NXPE2: variants seen among roughly 807,000 people sequenced by gnomAD.
NXPE2 encodes NXPE family member 2.
Under a neutral mutation model 34.4 loss-of-function variants are expected in NXPE2, and 34 were observed. The ratio of observed to expected loss-of-function variants is 0.99; its 90% CI spans 0.75 to 1.31. The LOEUF (loss-of-function observed/expected upper bound fraction) is 1.31. NXPE2 is among the 40% of genes most tolerant of loss of function. NXPE2 has a pLI of 0.00. For synonymous variants in NXPE2, 235 were observed against 231.3 expected, an observed-to-expected ratio of 1.02 and a Z score of -0.15; for missense variants, 649 against 672.5, an observed-to-expected ratio of 0.97 and a Z score of 0.39.
chr11:114,768,409 A>G, the NXPE2 span, among the ~76,000 whole-genome samples: 18 of 152,224 alleles, frequency 1.2e-4, no homozygotes, highest in Non-Finnish European at 2.6e-4. Flanking sequence ...GTTTGGTTCC[A>G]TATGAAATTT....
At chr11:114,638,851 G>A in the NXPE2 span, among the ~76,000 whole-genome samples, 4,519 of 151,382 alleles carry the variant, frequency 0.03, 113 homozygotes, top group Non-Finnish European at 0.04. Context: ...GTACCCAGCC[G>A]TGTGAGGTGT....
chr11:114,479,365 A>ACTTT, the NXPE2 span, among the ~76,000 whole-genome samples: 3 of 152,208 alleles, frequency 2.0e-5, no homozygotes, highest in African/African-American at 7.2e-5. Flanking sequence ...GAATAAGGGT[A>ACTTT]GCTTGGACTA....
chr11:114,488,326 T>C, the NXPE2 span, among the ~76,000 whole-genome samples: 1 of 152,190 alleles, frequency 6.6e-6, no homozygotes, highest in Non-Finnish European at 1.5e-5. Context: ...TCCTTTGCAT[T>C]TGTGTAGTTT....
chr11:114,730,239 C>G, the NXPE2 span, among the ~76,000 whole-genome samples: 1 of 151,962 alleles, frequency 6.6e-6, no homozygotes, highest in Non-Finnish European at 1.5e-5. Flanking sequence ...TCTGGGTTCT[C>G]TATTTTATTC....
At chr11:114,768,832 A>G in the NXPE2 span, among the ~76,000 whole-genome samples, 2 of 152,082 alleles carry the variant, frequency 1.3e-5, no homozygotes, top group African/African-American at 4.8e-5. Flanking sequence ...TTTTCTAAAT[A>G]TACAATCTAA....
chr11:114,685,330 G>C (rs1371275371), intron 2 of NXPE2, among the ~76,000 whole-genome samples: 1 of 152,104 alleles, frequency 6.6e-6, no homozygotes, highest in Non-Finnish European at 1.5e-5. Flanking sequence ...AACAGATTTG[G>C]TGTCTGATGA....
In NXPE2 at chr11:114,695,315, T is replaced by G. The variant is rs532255580; in HGVS notation, c.133-2730T>G. Reference sequence around the variant, plus strand: ...GTGCAGGAGGGGAAGCATTCTGTAGTACTGTGATTTAGTCCCAGTATTTTA... The same window carrying G: ...GTGCAGGAGGGGAAGCATTCTGTAGGACTGTGATTTAGTCCCAGTATTTTA... On this transcript the variant is annotated intron_variant, in intron 2 of 5. Transcript: ENST00000389586. Among the ~76,000 whole-genome samples, 7 of 152,314 alleles carry G rather than the reference T, an allele frequency of 4.6e-5. No individual in the cohort carries two copies. The South Asian group carries it at 8.3e-4, about 18-fold the overall frequency.
chr11:114,644,597 G>C, the NXPE2 span, among the ~76,000 whole-genome samples: 1 of 151,940 alleles, frequency 6.6e-6, no homozygotes, highest in African/African-American at 2.4e-5. Context: ...TATTTTTATG[G>C]ACATTACAAT....
chr11:114,524,312 T>C, the NXPE2 span, among the ~76,000 whole-genome samples: 541 of 152,318 alleles, frequency 3.6e-3, 1 homozygote, highest in Non-Finnish European at 6.1e-3. Flanking sequence ...GCAGTGAGTA[T>C]TGGGGAACCA....
the NXPE2 span, among the ~76,000 whole-genome samples, chr11:114,495,369 G>A: frequency 6.6e-6 from 1 of 151,856 alleles, no homozygotes; most frequent in African/African-American, 2.4e-5. Flanking sequence ...CTATAGTTGA[G>A]AACCTTAGTG....
Position 114,706,708 on chromosome 11 carries a change from A to T in NXPE2, c.1458A>T (p.Ile486=). The change falls in exon 6 of 6, where the codon ATA becomes ATT. Residue 486 remains isoleucine (I), a synonymous_variant. Transcript: ENST00000389586. ...LFLRSPETKV[I]LKTENTREIE... ...TGCGAAGCCCGGAGACCAAGGTGAT[A>T]CTTAAAACTGAAAACACCAGAGAGA... 2.6e-6 allele frequency: 4 copies of T among 1,552,252 alleles called. No homozygotes were observed. The highest frequency in any genetic ancestry group is 3.5e-6 in the Non-Finnish European group (4 of 1,147,066).
the NXPE2 span, among the ~76,000 whole-genome samples, chr11:114,612,892 G>T: frequency 6.6e-6 from 1 of 151,908 alleles, no homozygotes; most frequent in East Asian, 1.9e-4. Flanking sequence ...GTTGCCTCAC[G>T]GGTAAGCACT....
At chr11:114,751,685 T>A in the NXPE2 span, among the ~76,000 whole-genome samples, 1 of 152,098 alleles carries the variant, frequency 6.6e-6, no homozygotes, top group Non-Finnish European at 1.5e-5. Context: ...CCCCCCAAAA[T>A]GTCCATATCC....
chr11:114,609,850 A>G, the NXPE2 span, among the ~76,000 whole-genome samples: 1 of 150,242 alleles, frequency 6.7e-6, no homozygotes, highest in African/African-American at 2.5e-5. Flanking sequence ...GATAATAACT[A>G]TTGCCTCGCG....
At chr11:114,580,068 C>A in the NXPE2 span, 1 of 1,343,756 alleles carries the variant, frequency 7.4e-7, no homozygotes, top group East Asian at 2.3e-5. Context: ...ATTCCCTTCT[C>A]CCCTTTGAAA....
At chr11:114,632,295 C>A in the NXPE2 span, among the ~76,000 whole-genome samples, 2 of 133,756 alleles carry the variant, frequency 1.5e-5, no homozygotes, top group Non-Finnish European at 3.1e-5. Flanking sequence ...TGTATATTAT[C>A]CACCACCACC....
the NXPE2 span, among the ~76,000 whole-genome samples, chr11:114,635,609 G>A: frequency 2.6e-5 from 4 of 152,036 alleles, no homozygotes; most frequent in East Asian, 7.7e-4. Context: ...GTTTGTCATA[G>A]ATAGCTCTTA....
the NXPE2 span, among the ~76,000 whole-genome samples, chr11:114,607,116 C>T: frequency 2.1e-4 from 31 of 150,688 alleles, no homozygotes; most frequent in Admixed American, 1.1e-3. Flanking sequence ...CACTGTTACC[C>T]GGTTTATAAT....
At chr11:114,725,968 A>G in the NXPE2 span, among the ~76,000 whole-genome samples, 1 of 53,370 alleles carries the variant, frequency 1.9e-5, no homozygotes, top group Non-Finnish European at 3.6e-5. Flanking sequence ...AAAGTATAAT[A>G]AAAAAAAAAT....
Sources: gnomAD v4.1 joint callset for allele counts (sites outside exome capture counted in the v4.1 genomes callset) on GRCh38, gnomAD v4.1.1 for gene constraint, MANE v1.5 for transcripts, NCBI Gene and HGNC (gene_info 2026-07-23, HGNC 2026-07-21) for gene names.